Variants in P2RX4 observed in about 807,000 individuals in gnomAD.
The protein encoded by P2RX4 is purinergic receptor P2X 4.
A neutral mutation model predicts 48.0 loss-of-function variants in P2RX4; 37 were observed. The observed-to-expected ratio is 0.77, with a 90% CI of 0.59 to 1.01. The LOEUF (loss-of-function observed/expected upper bound fraction) is 1.01, where lower values mean the gene tolerates loss of function less well. Ranked by LOEUF, P2RX4 falls within the 50% of genes least tolerant of loss-of-function variation. The pLI is 0.00. For missense variants in P2RX4, 501 were observed against 521.4 expected (o/e 0.96, Z 0.38); for synonymous variants, 200 against 199.7 (o/e 1.00, Z -0.01).
chr12:121,217,171 G>T lies in P2RX4; in HGVS notation c.172G>T (p.Asp58Tyr), dbSNP rs369938050. 1.2e-6 allele frequency: 2 copies of T among 1,614,178 alleles called. No individual in the cohort carries two copies. Among genetic ancestry groups the T allele is most frequent in the South Asian group, 1.1e-5 (1 of 91,076 alleles). Residue 58 changes from aspartate to tyrosine, a missense_variant, in exon 2 of 12, where the codon GAC becomes TAC. This residue lies in a region of P2RX4 where 295 missense variants were observed against 275.3 expected (regional missense o/e 1.07). Transcript: ENST00000337233. ...FVWEKGYQETDSVVSSVTTKV... is the reference protein window; with the variant it reads ...FVWEKGYQETYSVVSSVTTKV... ...GTGGGAAAAGGGCTACCAGGAAACT[G>T]ACTCCGTGGTCAGCTCCGTTACGAC... is the stretch of plus-strand genomic sequence containing the variant.
intron 1 of P2RX4, among the ~76,000 whole-genome samples, chr12:121,210,708 G>A (rs1001536613): frequency 2.0e-5 from 3 of 152,234 alleles, no homozygotes; most frequent in Non-Finnish European, 4.4e-5. Context: ...GAGCCCAAGA[G>A]GCTGAGGCTG....
chr12:121,221,134 C>G (rs1475470357), intron 2 of P2RX4, among the ~76,000 whole-genome samples: 1 of 147,934 alleles, frequency 6.8e-6, no homozygotes, highest in African/African-American at 2.5e-5. Context: ...CCACACCCGG[C>G]TCCTTTTGTG....
Position 121,230,940 on chromosome 12 carries a change from ATATATATATAGCCAT to A in P2RX4, c.885-1448_885-1434del, listed in dbSNP as rs1166100437. ...TATATGTATATGTATATATGTGTAT[ATATATATATAGCCAT>A]TATATATATAGCCATTATATATATA... is the stretch of plus-strand genomic sequence containing the variant. On this transcript the variant is annotated intron_variant, in intron 8 of 11. Transcript: ENST00000337233. Among the ~76,000 whole-genome samples, 56 of 149,516 alleles carry A rather than the reference ATATATATATAGCCAT, an allele frequency of 3.7e-4. No homozygotes were observed. The East Asian group carries it at 4.5e-3, about 12-fold the overall frequency.
rs375041966 is a variant in P2RX4, at chr12:121,228,481, TGTGA to T, written c.525-49_525-46del. On this transcript the variant is annotated intron_variant, in intron 5 of 11. Coordinates refer to ENST00000337233, the MANE Select transcript of P2RX4 (RefSeq NM_002560.3). ...TATATATATATATATAACATGGTTA[TGTGA>T]GTATTTGTATGTATTTTATTAACAG... 42 of 1,061,044 alleles carry T rather than the reference TGTGA, an allele frequency of 4.0e-5. 2 individuals are homozygous for T. Among genetic ancestry groups the T allele is most frequent in the African/African-American group, 1.6e-4 (10 of 63,138 alleles). 65.7% of individuals were successfully genotyped at this position (1,061,044 alleles called of 1,614,324 possible).
In P2RX4 at chr12:121,217,134, G is replaced by T. The variant is rs774675124; in HGVS notation, c.135G>T (p.Gly45=). The stretch of plus-strand genomic sequence containing the variant: ...TTAAGAGGCCTGTTTTATTTTATAG[G>T]TGGGTGTTTGTGTGGGAAAAGGGCT... ...VQLLILAYVI[G]WVFVWEKGYQ... Residue 45 remains glycine (G), a splice_region_variant and synonymous_variant, in exon 2 of 12, where the codon GGG becomes GGT. Transcript: ENST00000337233. 1.9e-6 allele frequency: 3 copies of T among 1,614,066 alleles called. No individual in the cohort carries two copies. Among genetic ancestry groups the T allele is most frequent in the Non-Finnish European group, 1.7e-6 (2 of 1,179,906 alleles).
At chr12:121,217,364 G>C (rs925420259) in intron 2 of P2RX4, 83 bp downstream of exon 2, 2 of 1,417,376 alleles carry the variant, frequency 1.4e-6, no homozygotes, top group African/African-American at 1.4e-5. Context: ...GATTGACGTG[G>C]CCTGAGTCCT....
chr12:121,215,729 A>G (rs1443898483), intron 1 of P2RX4: 1 of 152,114 alleles, frequency 6.6e-6, no homozygotes, highest in Non-Finnish European at 1.5e-5. Context: ...TATTTTTTGT[A>G]GAGATCCCTA....
chr12:121,216,993 C>T lies in P2RX4; in HGVS notation c.135-141C>T, dbSNP rs766902232. 15 of 847,038 alleles carry T rather than the reference C, an allele frequency of 1.8e-5. No homozygotes were observed. The East Asian group carries it at 2.9e-4, about 17-fold the overall frequency. 52.5% of individuals were successfully genotyped at this position (847,038 alleles called of 1,614,324 possible). On this transcript the variant is annotated intron_variant, in intron 1 of 11. Transcript: ENST00000337233. ...CATTTGGCAGAAGTGGAAATGGAGTCCCCTAGAAGGTACGTAGCTTGTAGA... is the reference window on the plus strand; with the variant it reads ...CATTTGGCAGAAGTGGAAATGGAGTTCCCTAGAAGGTACGTAGCTTGTAGA...
chr12:121,212,416 G>A (rs1212559068), intron 1 of P2RX4, among the ~76,000 whole-genome samples: 2 of 151,016 alleles, frequency 1.3e-5, no homozygotes, highest in African/African-American at 2.4e-5. Context: ...ACAACATAGC[G>A]AGACCCCATC....
intron 1 of P2RX4, among the ~76,000 whole-genome samples, chr12:121,212,348 TG>T (rs2136211071): frequency 6.6e-6 from 1 of 151,998 alleles, no homozygotes; most frequent in African/African-American, 2.4e-5. Context: ...GAAGCCAAGG[TG>T]GGAGGATTGC....
At chr12:121,225,047 G>C (rs1210484248) in intron 5 of P2RX4, among the ~76,000 whole-genome samples, 2 of 151,934 alleles carry the variant, frequency 1.3e-5, no homozygotes, top group African/African-American at 4.8e-5. Flanking sequence ...GCTGTCCATA[G>C]GAAGTGCACT....
At chr12:121,230,025 T>C (rs952490996) in intron 8 of P2RX4, among the ~76,000 whole-genome samples, 4 of 152,344 alleles carry the variant, frequency 2.6e-5, no homozygotes, top group African/African-American at 9.6e-5. Flanking sequence ...TTCAACCCAC[T>C]ACAGCTGATG....
intron 2 of P2RX4, among the ~76,000 whole-genome samples, chr12:121,219,828 T>TTAGATAGATAGA (rs3838806): frequency 0.021 from 3,184 of 150,318 alleles, 51 homozygotes; most frequent in East Asian, 0.045. Flanking sequence ...ATAGGATAGA[T>TTAGATAGATAGA]TAGATAGATA....
rs780934600 is a variant in P2RX4 at position 121,232,459 on chromosome 12, G to A, written c.930G>A (p.Thr310=). ...YRDLAGNEQR[T]LIKAYGIRFD... ...ACCTGGCTGGCAACGAGCAGCGCAC[G>A]CTCATCAAGGCCTATGGCATCCGCT... The change falls in exon 9 of 12, where the codon ACG becomes ACA. Residue 310 remains threonine (T), a synonymous_variant. Coordinates refer to ENST00000337233, the MANE Select transcript of P2RX4 (RefSeq NM_002560.3). The surrounding 1 kb of genome is among the most constrained non-coding windows in gnomAD (Gnocchi z 4.3). The A allele has an allele frequency of 1.7e-5, 28 of 1,614,012 alleles. No individual in the cohort carries two copies. Among genetic ancestry groups the A allele is most frequent in the Admixed American group, 8.3e-5 (5 of 60,004 alleles).
intron 8 of P2RX4, among the ~76,000 whole-genome samples, chr12:121,230,248 T>C (rs1169716): frequency 0.015 from 2,216 of 152,340 alleles, 51 homozygotes; most frequent in African/African-American, 0.05. Context: ...CTGGGCATGG[T>C]GGCGCATGCC....
intron 2 of P2RX4, among the ~76,000 whole-genome samples, chr12:121,220,676 A>G (rs967438039): frequency 2.6e-5 from 4 of 152,140 alleles, no homozygotes; most frequent in Non-Finnish European, 5.9e-5. Context: ...CCATTTTAAA[A>G]TGAAAAATTC....
chr12:121,212,818 A>ATTT (rs1392673928), intron 1 of P2RX4: 1,588 of 31,474 alleles, frequency 0.05, 45 homozygotes, highest in Non-Finnish European at 0.07. Flanking sequence ...ATATATATAT[A>ATTT]TATATATTTT....
chr12:121,217,235 T>C lies in P2RX4; in HGVS notation c.236T>C (p.Leu79Pro), dbSNP rs1442742947. The C allele has an allele frequency of 3.7e-6, 6 of 1,614,104 alleles. No homozygotes were observed. Among genetic ancestry groups the C allele is most frequent in the African/African-American group, 1.3e-5 (1 of 74,932 alleles). ...KGVAVTNTSK[L>P]GFRIWDVADY... ...GTGGCTGTGACCAACACTTCTAAAC[T>C]TGGATTCCGGATCTGGGATGTGGCG... Residue 79 changes from leucine to proline, a missense_variant, in exon 2 of 12, where the codon CTT becomes CCT. Leu to Pro is a moderately conservative substitution (Grantham distance 98). Transcript: ENST00000337233.
Position 121,232,900 on chromosome 12 carries a change from A to G in P2RX4, c.1045-97A>G. ...GATGGGAGTGCCTTTCCATTCCGGT[A>G]AAGATTCCAGGCTTCTCAGGAAGGG... On this transcript the variant is annotated intron_variant, in intron 10 of 11. Transcript: ENST00000337233. The surrounding 1 kb of genome is among the most constrained non-coding windows in gnomAD (Gnocchi z 4.3). The G allele has an allele frequency of 1.0e-6, 1 of 962,316 alleles. No homozygotes were observed. Among genetic ancestry groups the G allele is most frequent in the South Asian group, 1.3e-5 (1 of 78,092 alleles). 59.6% of individuals were successfully genotyped at this position (962,316 alleles called of 1,614,324 possible).
Sources: gnomAD v4.1 joint callset for allele counts (sites outside exome capture counted in the v4.1 genomes callset) on GRCh38, gnomAD v4.1.1 for gene constraint, gnomAD v4.1.1 regional missense constraint, Gnocchi (gnomAD v3.1) non-coding constraint, MANE v1.5 for transcripts, NCBI Gene and HGNC (gene_info 2026-07-23, HGNC 2026-07-21) for gene names.